Variants in HIVEP3 observed in about 807,000 individuals in gnomAD.
HIVEP3 encodes transcription factor HIVEP3.
Under a neutral mutation model 152.8 loss-of-function variants are expected in HIVEP3, and 49 were observed. That is an observed-to-expected ratio of 0.32 (90% CI 0.26 to 0.41). The LOEUF (loss-of-function observed/expected upper bound fraction) is 0.41. HIVEP3 is among the 10% of genes least tolerant of loss of function. HIVEP3 has a pLI of 1.00. For synonymous variants in HIVEP3, 1,269 were observed against 1,289.0 expected, an observed-to-expected ratio of 0.98 and a Z score of 0.33; for missense variants, 2,790 against 3,103.3, an observed-to-expected ratio of 0.90 and a Z score of 2.40.
At chr1:41,769,051 G>A (rs754865597) in intron 1 of HIVEP3, among the ~76,000 whole-genome samples, 18 of 152,182 alleles carry the variant, frequency 1.2e-4, no homozygotes, top group Admixed American at 3.3e-4. Context: ...CAATGCAAGC[G>A]CTTTCTGATC....
In HIVEP3 at chr1:41,513,525, C is replaced by A; in HGVS notation, c.5696G>T (p.Gly1899Val). ...GGCGGGGGCATCTGGGGGCTGAGGG[C>A]CCAGGATGGGTGAGGAGTCTGCCCG... Reference protein sequence around the residue: ...ALRADSSPILGPQPPDAPASG... With the variant: ...ALRADSSPILVPQPPDAPASG... Residue 1899 changes from glycine to valine, a missense_variant, in exon 8 of 9, where the codon GGC (glycine) becomes GTC (valine). Coordinates refer to ENST00000372583, the MANE Select transcript of HIVEP3 (RefSeq NM_024503.5). 2 of 1,605,290 alleles carry A rather than the reference C, an allele frequency of 1.2e-6. No homozygotes were observed. The highest frequency in any genetic ancestry group is 1.7e-6 in the Non-Finnish European group (2 of 1,176,908).
chr1:41,540,977 A>G (rs992262930), intron 5 of HIVEP3, among the ~76,000 whole-genome samples: 1 of 152,212 alleles, frequency 6.6e-6, no homozygotes, highest in Non-Finnish European at 1.5e-5. Context: ...ATAAACAGCC[A>G]GTAGGTGAGT....
chr1:41,536,974 A>C (rs1413947736), intron 5 of HIVEP3, among the ~76,000 whole-genome samples: 1 of 152,198 alleles, frequency 6.6e-6, no homozygotes, highest in Non-Finnish European at 1.5e-5. Flanking sequence ...TTTTTAAAAA[A>C]CACTGTGTAA....
intron 1 of HIVEP3, among the ~76,000 whole-genome samples, chr1:41,834,907 C>T (rs1405286845): frequency 1.3e-5 from 2 of 151,986 alleles, no homozygotes; most frequent in African/African-American, 2.4e-5. Flanking sequence ...TGGGAATGTG[C>T]TTGGGGACAG....
In HIVEP3 at chr1:41,530,267, G is replaced by A. The variant is rs1038503332; in HGVS notation, c.5208-5357C>T. On this transcript the variant is annotated intron_variant, in intron 5 of 8. Coordinates refer to ENST00000372583, the MANE Select transcript of HIVEP3 (RefSeq NM_024503.5). ...ACACGCGCCACCTTGCGTCCGAGAGGACGAACTGAAGGCCGTGGCGGCGGT... is the reference window on the plus strand; with the variant it reads ...ACACGCGCCACCTTGCGTCCGAGAGAACGAACTGAAGGCCGTGGCGGCGGT... 7.9e-5 allele frequency among the ~76,000 whole-genome samples: 12 copies of A among 152,250 alleles called. No individual in the cohort carries two copies. In the South Asian group the frequency reaches 2.5e-3, roughly 31 times the overall value.
Position 41,584,510 on chromosome 1 carries a change from C to T in HIVEP3, c.288G>A (p.Pro96=), listed in dbSNP as rs369641811. The T allele has an allele frequency of 8.9e-5, 143 of 1,614,004 alleles. 2 individuals are homozygous for T. The Middle Eastern group carries it at 1.3e-3, about 15-fold the overall frequency. The change falls in exon 4 of 9, where the codon CCG becomes CCA. Residue 96 remains proline (P), a synonymous_variant. Coordinates refer to ENST00000372583, the MANE Select transcript of HIVEP3 (RefSeq NM_024503.5). The surrounding 1 kb of genome is among the most constrained non-coding windows in gnomAD (Gnocchi z 5.2). ...IEASVHISQL[P]QHPLTPAFMS... ...TGAATGCTGGTGTCAGAGGGTGCTG[C>T]GGAAGCTGTGAGATGTGGACGGATG...
chr1:41,875,128 C>T (rs1027632965), intron 1 of HIVEP3, among the ~76,000 whole-genome samples: 2 of 152,246 alleles, frequency 1.3e-5, no homozygotes, highest in Non-Finnish European at 2.9e-5. Flanking sequence ...GGGCTGCTCC[C>T]GAAGGTCCTG....
intron 1 of HIVEP3, among the ~76,000 whole-genome samples, chr1:41,900,085 C>T (rs538865660): frequency 3.3e-5 from 5 of 152,190 alleles, no homozygotes; most frequent in Non-Finnish European, 7.3e-5. Context: ...ATATATATCT[C>T]AGAAAGCCTT....
chr1:41,539,160 C>G (rs1313327865), intron 5 of HIVEP3, among the ~76,000 whole-genome samples: 2 of 152,162 alleles, frequency 1.3e-5, no homozygotes, highest in African/African-American at 2.4e-5. Context: ...TTGGATTAGG[C>G]CATTTTCAGG....
chr1:41,586,558 C>T (rs1237507904), intron 3 of HIVEP3, among the ~76,000 whole-genome samples: 2 of 146,836 alleles, frequency 1.4e-5, no homozygotes, highest in Admixed American at 1.4e-4. Flanking sequence ...ATGCCCTACC[C>T]CCGGCATCCT....
At chr1:41,521,157 A>C (rs1642749484) in intron 6 of HIVEP3, among the ~76,000 whole-genome samples, 1 of 152,058 alleles carries the variant, frequency 6.6e-6, no homozygotes, top group African/African-American at 2.4e-5. Context: ...AGTAATACCT[A>C]CCTCGTGGGG....
intron 5 of HIVEP3, among the ~76,000 whole-genome samples, chr1:41,528,699 C>G (rs1236408270): frequency 7.6e-6 from 1 of 131,842 alleles, no homozygotes; most frequent in Non-Finnish European, 1.6e-5. Context: ...TCACGTTCAC[C>G]CTCAGACTCA....
intron 2 of HIVEP3, among the ~76,000 whole-genome samples, chr1:41,633,234 G>A (rs1252917062): frequency 2.6e-5 from 4 of 152,104 alleles, no homozygotes; most frequent in African/African-American, 9.7e-5. Context: ...AAGGAGAAAT[G>A]TGCAAATAAG....
At chr1:41,683,857 C>T (rs16828544) in intron 2 of HIVEP3, among the ~76,000 whole-genome samples, 2,176 of 152,272 alleles carry the variant, frequency 0.014, 45 homozygotes, top group African/African-American at 0.047. Context: ...ACCAGCACTT[C>T]GAGGTTCTTC....
intron 1 of HIVEP3, among the ~76,000 whole-genome samples, chr1:41,855,798 G>C (rs1041148231): frequency 6.6e-6 from 1 of 152,232 alleles, no homozygotes; most frequent in Non-Finnish European, 1.5e-5. Flanking sequence ...AATGGGTGAA[G>C]CTGCTGGTTT....
intron 1 of HIVEP3, among the ~76,000 whole-genome samples, chr1:41,970,652 G>C (rs982794013): frequency 6.6e-6 from 1 of 152,160 alleles, no homozygotes; most frequent in Non-Finnish European, 1.5e-5. Flanking sequence ...ATTTACCTAT[G>C]TAACAAACCT....
At chr1:41,709,475 G>T (rs955433282) in intron 1 of HIVEP3, among the ~76,000 whole-genome samples, 3 of 152,196 alleles carry the variant, frequency 2.0e-5, no homozygotes, top group Non-Finnish European at 2.9e-5. Flanking sequence ...GTGGGACAGA[G>T]GCAGCCTCCA....
intron 1 of HIVEP3, among the ~76,000 whole-genome samples, chr1:41,871,637 G>T (rs1379440535): frequency 6.6e-6 from 1 of 152,246 alleles, no homozygotes; most frequent in African/African-American, 2.4e-5. Context: ...GTGGGATCAG[G>T]TTGATCTGCT....
At chr1:41,944,798 C>T (rs531391653) in intron 1 of HIVEP3, among the ~76,000 whole-genome samples, 210 of 152,232 alleles carry the variant, frequency 1.4e-3, no homozygotes, top group Non-Finnish European at 2.4e-3. Context: ...TAATGCTCAT[C>T]GGAAAATGAC....
Sources: gnomAD v4.1 joint callset for allele counts (sites outside exome capture counted in the v4.1 genomes callset) on GRCh38, gnomAD v4.1.1 for gene constraint, Gnocchi (gnomAD v3.1) non-coding constraint, MANE v1.5 for transcripts, NCBI Gene and HGNC (gene_info 2026-07-23, HGNC 2026-07-21) for gene names.